Variants in TMX2 observed in about 807,000 individuals in gnomAD.
TMX2 encodes the protein thioredoxin-related transmembrane protein 2.
In TMX2, 20 loss-of-function variants were observed where a neutral mutation model predicts 33.4. That is an observed-to-expected ratio of 0.60 (90% CI 0.42 to 0.87). TMX2 has a LOEUF of 0.87. Among genes scored for constraint, TMX2 ranks in the 40% least tolerant of loss-of-function variants. The pLI is 0.00. For missense variants in TMX2, 340 were observed against 370.7 expected (o/e 0.92, Z 0.68); for synonymous variants, 166 against 140.7 (o/e 1.18, Z -1.27).
At position 57,712,671 on chromosome 11, in the gene TMX2, C is replaced by T. The variant is rs781043745; in HGVS notation, c.53C>T (p.Ser18Leu). ...IALVYSVPRL[S>L]RWLAQPYYLL... ...CTCGTGTATTCGGTGCCGCGACTTT[C>T]ACGATGGCTCGCCCAACCTTACTAC... is the stretch of plus-strand genomic sequence containing the variant. The change falls in exon 1 of 8, where the codon TCA (serine) becomes TTA (leucine). Residue 18 changes from serine to leucine, a missense_variant. By Grantham distance (145) the Ser-to-Leu change is moderately radical (BLOSUM62 -2). This residue lies in a region of TMX2 where 106 missense variants were observed against 82.7 expected (regional missense o/e 1.28). Transcript: ENST00000278422. 2.5e-6 allele frequency: 4 copies of T among 1,614,090 alleles called. No homozygotes were observed. Among genetic ancestry groups the T allele is most frequent in the Admixed American group, 3.3e-5 (2 of 59,992 alleles).
rs770524904 is a variant in TMX2, at chr11:57,740,383, A to C, written c.*138A>C. ...GGGCAGCATGCAGCTTCTGATTTTAAAGAGGCATCTAGGGAATTGTCAGGC... is the reference window on the plus strand; with the variant it reads ...GGGCAGCATGCAGCTTCTGATTTTACAGAGGCATCTAGGGAATTGTCAGGC... On this transcript the variant is annotated 3_prime_UTR_variant, in exon 8 of 8. Transcript: ENST00000278422. 3 of 1,105,708 alleles carry C rather than the reference A, an allele frequency of 2.7e-6. No individual in the cohort carries two copies. The highest frequency in any genetic ancestry group is 3.7e-6 in the Non-Finnish European group (3 of 808,380). 68.5% of individuals were successfully genotyped at this position (1,105,708 alleles called of 1,614,324 possible). A position where few individuals can be genotyped will look rare whatever the true frequency, so the allele number is the denominator to read the frequency against.
At chr11:57,739,904 G>A (rs1195251552) in intron 7 of TMX2, among the ~76,000 whole-genome samples, 195 bp from the exon 8 acceptor site, 7 of 152,088 alleles carry the variant, frequency 4.6e-5, no homozygotes, top group South Asian at 4.1e-4. Context: ...TTCTTGGCAC[G>A]GTGATTGGCA....
intron 1 of TMX2, among the ~76,000 whole-genome samples, chr11:57,720,369 A>G (rs1489749223): frequency 2.6e-5 from 4 of 152,200 alleles, no homozygotes; most frequent in Non-Finnish European, 4.4e-5. Context: ...AGTACCCCCA[A>G]AAGTCAGGAG....
chr11:57,730,863 G>C (rs1948335684), intron 1 of TMX2, among the ~76,000 whole-genome samples: 1 of 152,140 alleles, frequency 6.6e-6, no homozygotes, highest in South Asian at 2.1e-4. Flanking sequence ...ATCTATGTAA[G>C]TCATAATACG....
At chr11:57,737,225 G>T (rs1948802761) in intron 1 of TMX2, among the ~76,000 whole-genome samples, 1 of 152,160 alleles carries the variant, frequency 6.6e-6, no homozygotes, top group Non-Finnish European at 1.5e-5. Flanking sequence ...TTTGAGACCA[G>T]CCTGGCCAAC....
chr11:57,736,654 G>A (rs940735203), intron 1 of TMX2, among the ~76,000 whole-genome samples: 6 of 152,050 alleles, frequency 3.9e-5, no homozygotes, highest in African/African-American at 1.4e-4. Flanking sequence ...TTAGGAGGCC[G>A]AGGCGGGCGG....
chr11:57,727,783 A>T (rs563943982), intron 1 of TMX2, among the ~76,000 whole-genome samples: 11 of 152,268 alleles, frequency 7.2e-5, no homozygotes, highest in African/African-American at 2.6e-4. Context: ...TTTAAGTCCA[A>T]TAAGAAACGA....
intron 1 of TMX2, among the ~76,000 whole-genome samples, chr11:57,725,429 T>C (rs1440920682): frequency 6.6e-6 from 1 of 152,038 alleles, no homozygotes; most frequent in Non-Finnish European, 1.5e-5. Flanking sequence ...AGGGCTGGTT[T>C]TGAGGGATAA....
At chr11:57,739,960 A>ATT in intron 7 of TMX2, 139 bp from the exon 8 acceptor site, 1 of 1,186,606 alleles carries the variant, frequency 8.4e-7, no homozygotes, top group Non-Finnish European at 1.2e-6. Context: ...GGTACCTAAA[A>ATT]AAGAGGAAGG....
Position 57,740,812 on chromosome 11 carries a change from C to T in TMX2, c.*567C>T, listed in dbSNP as rs1949039313. The T allele has an allele frequency of 6.6e-6, 1 of 152,416 alleles. No homozygotes were observed. Among genetic ancestry groups the T allele is most frequent in the Non-Finnish European group, 1.5e-5 (1 of 68,218 alleles). The allele number at this position is 152,416 out of a possible 1,614,324, so 9.4% of individuals were successfully genotyped here. A position where few individuals can be genotyped will look rare whatever the true frequency, so the allele number is the denominator to read the frequency against. Reference sequence around the variant, plus strand: ...ATTGAAGACAATATTGAACAACCCCCTATTTTGTGGGGATTGAGAAGGGGT... The same window carrying T: ...ATTGAAGACAATATTGAACAACCCCTTATTTTGTGGGGATTGAGAAGGGGT... On this transcript the variant is annotated 3_prime_UTR_variant, in exon 8 of 8. Coordinates refer to ENST00000278422, the MANE Select transcript of TMX2 (RefSeq NM_015959.4).
At chr11:57,738,049 T>A in intron 3 of TMX2, 23 bp downstream of exon 3, 2 of 349,502 alleles carry the variant, frequency 5.7e-6, no homozygotes, top group African/African-American at 2.4e-5. Flanking sequence ...CCTTTCTTTC[T>A]TTTTTTTTTT....
rs555880992 is a variant in TMX2, at chr11:57,729,846, G to A, written c.190-7762G>A. 5.3e-5 allele frequency among the ~76,000 whole-genome samples: 8 copies of A among 150,836 alleles called. No homozygotes were observed. The South Asian group carries it at 1.7e-3, about 31-fold the overall frequency. On this transcript the variant is annotated intron_variant, in intron 1 of 7. Coordinates refer to ENST00000278422, the MANE Select transcript of TMX2 (RefSeq NM_015959.4). ...AAGCGGGTAGGGCGCAGTGGCTCACGCCTGTAATCCCAGCACTTTTGGGAG... is the reference window on the plus strand; with the variant it reads ...AAGCGGGTAGGGCGCAGTGGCTCACACCTGTAATCCCAGCACTTTTGGGAG...
Position 57,739,000 on chromosome 11 carries a change from G to A in TMX2, c.575G>A (p.Gly192Glu), listed in dbSNP as rs1398964991. 6.2e-7 allele frequency: 1 copy of A among 1,614,032 alleles called. No individual in the cohort carries two copies. Among genetic ancestry groups the A allele is most frequent in the Non-Finnish European group, 8.5e-7 (1 of 1,180,034 alleles). ...LKYNCTGLNF[G>E]KVDVGRYTDV... is the part of the protein sequence containing the mutation. ...TACAACTGTACAGGGCTAAATTTTGGGAAGGTGGATGTTGGACGCTATACT... is the reference window on the plus strand; with the variant it reads ...TACAACTGTACAGGGCTAAATTTTGAGAAGGTGGATGTTGGACGCTATACT... The change falls in exon 6 of 8, where the codon GGG becomes GAG. Residue 192 changes from glycine (G) to glutamate (E), a missense_variant. Physicochemically the swap from Gly to Glu is moderately conservative, Grantham distance 98. This residue lies in a region of TMX2 where 209 missense variants were observed against 241.6 expected (regional missense o/e 0.87). Coordinates refer to ENST00000278422, the MANE Select transcript of TMX2 (RefSeq NM_015959.4).
intron 1 of TMX2, among the ~76,000 whole-genome samples, chr11:57,725,734 T>C (rs916767471): frequency 4.6e-5 from 7 of 150,906 alleles, no homozygotes; most frequent in Admixed American, 3.3e-4. Context: ...GAGACTCTTA[T>C]CTCGAAGAAA....
In TMX2 at chr11:57,740,294, C is replaced by A; in HGVS notation, c.*49C>A. 1 of 1,530,846 alleles carries A rather than the reference C, an allele frequency of 6.5e-7. No individual in the cohort carries two copies. The highest frequency in any genetic ancestry group is 1.3e-5 in the South Asian group (1 of 76,788). The allele number at this position is 1,530,846 out of a possible 1,614,324, so 94.8% of individuals were successfully genotyped here. On this transcript the variant is annotated 3_prime_UTR_variant, in exon 8 of 8. Transcript: ENST00000278422. ...CTCTCCTGTCAATTCCAGGCTCTTTCCATAACCACAAGCCTGAGGCTGCAG... is the reference window on the plus strand; with the variant it reads ...CTCTCCTGTCAATTCCAGGCTCTTTACATAACCACAAGCCTGAGGCTGCAG...
intron 1 of TMX2, chr11:57,718,070 C>A (rs1258721895): frequency 7.2e-6 from 9 of 1,253,288 alleles, no homozygotes; most frequent in Admixed American, 3.4e-5. Flanking sequence ...CAATGGTGAT[C>A]TTCTTGCTGG....
intron 1 of TMX2, among the ~76,000 whole-genome samples, chr11:57,718,686 C>T (rs1418441511): frequency 7.7e-6 from 1 of 130,350 alleles, no homozygotes; most frequent in African/African-American, 2.9e-5. Flanking sequence ...GATGGAGTCT[C>T]ACTCTGTTGC....
In TMX2 at chr11:57,737,659, C is replaced by T. The variant is rs188602946; in HGVS notation, c.241C>T (p.Arg81Cys). The T allele has an allele frequency of 5.6e-6, 9 of 1,613,928 alleles. No individual in the cohort carries two copies. The highest frequency in any genetic ancestry group is 4.0e-5 in the African/African-American group (3 of 75,030). The change falls in exon 2 of 8, where the codon CGC becomes TGC. Residue 81 changes from arginine (R) to cysteine (C), a missense_variant. By Grantham distance (180) the Arg-to-Cys change is radical. Around this residue, in one of 3 missense-constraint regions of TMX2, gnomAD observed 25 missense variants for 46.5 expected, o/e 0.54. Coordinates refer to ENST00000278422, the MANE Select transcript of TMX2 (RefSeq NM_015959.4). ...FLSAIVMMKN[R>C]RSITVEQHIG... Reference sequence around the variant, plus strand: ...CAGTGCCATTGTGATGATGAAGAACCGCAGATCCAGTAAGTTTAGTTCACT... The same window carrying T: ...CAGTGCCATTGTGATGATGAAGAACTGCAGATCCAGTAAGTTTAGTTCACT...
At chr11:57,726,923 C>G (rs1440457292) in intron 1 of TMX2, among the ~76,000 whole-genome samples, 1 of 152,136 alleles carries the variant, frequency 6.6e-6, no homozygotes, top group Non-Finnish European at 1.5e-5. Context: ...TACAAACACA[C>G]TGTAAGTCTA....
Sources: allele counts gnomAD v4.1 joint callset (sites outside exome capture counted in the v4.1 genomes callset), GRCh38; gene constraint gnomAD v4.1.1; regional missense constraint gnomAD v4.1.1; transcripts MANE v1.5; gene names NCBI Gene and HGNC (gene_info 2026-07-23, HGNC 2026-07-21).